Variants in COLQ observed in about 807,000 individuals in gnomAD.
COLQ encodes the protein collagen like tail subunit of asymmetric acetylcholinesterase, also known as acetylcholinesterase collagenic tail peptide.
A neutral mutation model predicts 69.0 loss-of-function variants in COLQ; 48 were observed. That is an observed-to-expected ratio of 0.70 (90% CI 0.55 to 0.88). The LOEUF (loss-of-function observed/expected upper bound fraction) is 0.88, where lower values mean the gene tolerates loss of function less well. Among genes scored for constraint, COLQ ranks in the 40% least tolerant of loss-of-function variants. COLQ has a pLI of 0.00. For missense variants in COLQ, 618 were observed against 594.6 expected, an observed-to-expected ratio of 1.04 and a Z score of -0.41; for synonymous variants, 217 against 211.2, an observed-to-expected ratio of 1.03 and a Z score of -0.24.
chr3:15,482,523 C>T (rs2062505565), intron 3 of COLQ, among the ~76,000 whole-genome samples: 1 of 152,156 alleles, frequency 6.6e-6, no homozygotes, highest in Admixed American at 6.5e-5. Flanking sequence ...TATTGATTTG[C>T]ATATGTCGAA....
In COLQ at chr3:15,480,843, G is replaced by A. The variant is rs575356351; in HGVS notation, c.322-1461C>T. Among the ~76,000 whole-genome samples, 3 of 152,304 alleles carry A rather than the reference G, an allele frequency of 2.0e-5. No homozygotes were observed. The East Asian group carries it at 5.8e-4, about 29-fold the overall frequency. ...TTTCTCCACATCCTCTCCAGCACCT[G>A]TTGTTTCCTGACTTTTTAATGATCG... On this transcript the variant is annotated intron_variant, in intron 3 of 16. Transcript: ENST00000383788.
In COLQ at chr3:15,471,969, ATT is replaced by A. The variant is rs370644681; in HGVS notation, c.637-1355_637-1354del. ...GGGAGAAAACAGCAGCACAAGCAGCATTTTTTTTTTTTTTTCAGGGATTGTCA... is the reference window on the plus strand; with the variant it reads ...GGGAGAAAACAGCAGCACAAGCAGCATTTTTTTTTTTTTCAGGGATTGTCA... On this transcript the variant is annotated intron_variant, in intron 10 of 16. Coordinates refer to ENST00000383788, the MANE Select transcript of COLQ (RefSeq NM_005677.4). Among the ~76,000 whole-genome samples, 80 of 137,078 alleles carry A rather than the reference ATT, an allele frequency of 5.8e-4. 2 individuals carry two copies. In the East Asian group the frequency reaches 0.01, roughly 17 times the overall value. 89.9% of individuals were successfully genotyped at this position (137,078 alleles called of 152,430 possible).
chr3:15,515,605 C>G (rs563837050), intron 1 of COLQ, among the ~76,000 whole-genome samples: 1 of 152,044 alleles, frequency 6.6e-6, no homozygotes, highest in Admixed American at 6.5e-5. Context: ...GTCAGGAGTT[C>G]GAGACCAGCC....
chr3:15,489,747 T>C lies in COLQ; in HGVS notation c.107-110A>G, dbSNP rs549679225. On this transcript the variant is annotated intron_variant, in intron 1 of 16. Transcript: ENST00000383788. ...TGCCACCCCAGACTTCCACATCTAATTTCTAGCCTGTTAGATGTGGATAGG... is the reference window on the plus strand; with the variant it reads ...TGCCACCCCAGACTTCCACATCTAACTTCTAGCCTGTTAGATGTGGATAGG... The C allele has an allele frequency of 1.5e-5, 14 of 905,650 alleles. No homozygotes were observed. The Admixed American group carries it at 2.8e-4, about 18-fold the overall frequency. 56.1% of individuals were successfully genotyped at this position (905,650 alleles called of 1,614,324 possible).
At chr3:15,463,354 T>C (rs1057386785) in intron 12 of COLQ, among the ~76,000 whole-genome samples, 3 of 151,572 alleles carry the variant, frequency 2.0e-5, no homozygotes, top group African/African-American at 7.3e-5. Context: ...TTTTTGTTTT[T>C]TGTTTTTTTT....
At chr3:15,470,695 T>G in intron 10 of COLQ, 79 bp from the exon 11 acceptor site, 4 of 1,319,606 alleles carry the variant, frequency 3.0e-6, no homozygotes, top group Non-Finnish European at 4.4e-6. Context: ...AGCCAGTCAT[T>G]GGCTACGAGG....
chr3:15,509,148 C>T (rs1332099781), intron 1 of COLQ, among the ~76,000 whole-genome samples: 2 of 152,208 alleles, frequency 1.3e-5, no homozygotes, highest in Non-Finnish European at 2.9e-5. Flanking sequence ...TATGTCAAAT[C>T]AGCCACTATT....
rs980599092 is a variant in COLQ, at chr3:15,510,434, C to T, written c.106+11086G>A. ...ATTAAGAAATTAAACCGTGGCTGAG[C>T]ATAGTGGCTCATGCCTATAATCCCA... On this transcript the variant is annotated intron_variant, in intron 1 of 16. Coordinates refer to ENST00000383788, the MANE Select transcript of COLQ (RefSeq NM_005677.4). Among the ~76,000 whole-genome samples, 47 of 151,934 alleles carry T rather than the reference C, an allele frequency of 3.1e-4. 2 individuals carry two copies. The highest frequency in any genetic ancestry group is 1.3e-4 in the Non-Finnish European group (9 of 68,008).
At chr3:15,498,802 C>G (rs909275857) in intron 1 of COLQ, 10 of 1,479,774 alleles carry the variant, frequency 6.8e-6, no homozygotes, top group Non-Finnish European at 9.0e-6. Context: ...CAGCCCTGCT[C>G]CAGCTGCCCA....
At chr3:15,468,321 GTTTTTTTTTTT>G (rs540716062) in intron 11 of COLQ, among the ~76,000 whole-genome samples, 12 of 71,258 alleles carry the variant, frequency 1.7e-4, no homozygotes, top group Non-Finnish European at 2.3e-4. Flanking sequence ...AGTTACTGAA[GTTTTTTTTTTT>G]TTTTTTTTTT....
At chr3:15,510,812 G>C (rs2062975683) in intron 1 of COLQ, among the ~76,000 whole-genome samples, 1 of 143,396 alleles carries the variant, frequency 7.0e-6, no homozygotes, top group Admixed American at 7.0e-5. Flanking sequence ...AAGAGACCAA[G>C]AGAGAGGAAG....
intron 4 of COLQ, 101 bp from the exon 5 acceptor site, chr3:15,479,104 C>T (rs1575477063): frequency 1.4e-6 from 2 of 1,462,176 alleles, no homozygotes; most frequent in Non-Finnish European, 1.9e-6. Flanking sequence ...CCATGTGGCT[C>T]AGTTGCTTGG....
At position 15,473,682 on chromosome 3, in the gene COLQ, G is replaced by C. The variant is rs777181590; in HGVS notation, c.636+318C>G. Among the ~76,000 whole-genome samples the C allele has an allele frequency of 2.0e-5, 3 of 152,120 alleles. No individual in the cohort carries two copies. Among genetic ancestry groups the C allele is most frequent in the Admixed American group, 1.3e-4 (2 of 15,270 alleles). On this transcript the variant is annotated intron_variant, in intron 10 of 16. Transcript: ENST00000383788. The surrounding 1 kb of genome is among the most constrained non-coding windows in gnomAD (Gnocchi z 4.0). Reference sequence around the variant, plus strand: ...CAGATCTGAGTCCCCTGTGAGAAAGGTTTCTGCATTTGAATAGGACCACAG... The same window carrying C: ...CAGATCTGAGTCCCCTGTGAGAAAGCTTTCTGCATTTGAATAGGACCACAG...
Position 15,521,589 on chromosome 3 carries a change from G to T in COLQ, c.37C>A (p.Leu13Ile). 1.2e-6 allele frequency: 2 copies of T among 1,614,222 alleles called. No homozygotes were observed. Among genetic ancestry groups the T allele is most frequent in the South Asian group, 1.1e-5 (1 of 91,086 alleles). Reference sequence around the variant, plus strand: ...ACGATAGAGAGGAAGAAAAGCTGAAGATAAATTCCCAAAGTCATTGGATTC... The same window carrying T: ...ACGATAGAGAGGAAGAAAAGCTGAATATAAATTCCCAAAGTCATTGGATTC... Reference protein sequence around the residue: ...VLNPMTLGIYLQLFFLSIVSQ... With the variant: ...VLNPMTLGIYIQLFFLSIVSQ... Residue 13 changes from leucine (L) to isoleucine (I), a missense_variant, in exon 1 of 17, where the codon CTT becomes ATT. Physicochemically the swap from Leu to Ile is conservative, Grantham distance 5 (BLOSUM62 2). Transcript: ENST00000383788.
intron 11 of COLQ, among the ~76,000 whole-genome samples, chr3:15,469,661 TA>T (rs199668253): frequency 2.0e-5 from 3 of 151,242 alleles, no homozygotes; most frequent in East Asian, 1.9e-4. Context: ...ATATGGAGCT[TA>T]AAAAAAAATA....
intron 2 of COLQ, among the ~76,000 whole-genome samples, chr3:15,488,828 C>T (rs561940911): frequency 8.5e-5 from 13 of 152,300 alleles, no homozygotes; most frequent in Admixed American, 3.3e-4. Context: ...CTACTTCTTT[C>T]GAAATCCAGT....
intron 4 of COLQ, 58 bp from the exon 5 acceptor site, chr3:15,479,061 A>G: frequency 1.2e-6 from 2 of 1,605,644 alleles, no homozygotes; most frequent in Non-Finnish European, 8.5e-7. Flanking sequence ...TTCTGGAAGC[A>G]GAAGCCTTAG....
chr3:15,509,635 ACCCAGG>A (rs1413712495), intron 1 of COLQ, among the ~76,000 whole-genome samples: 8 of 152,282 alleles, frequency 5.3e-5, no homozygotes, highest in Non-Finnish European at 1.2e-4. Context: ...ACATATTCTG[ACCCAGG>A]CCCAGGGCTG....
chr3:15,505,575 AGGG>A (rs2062899497), intron 1 of COLQ, among the ~76,000 whole-genome samples: 1 of 152,252 alleles, frequency 6.6e-6, no homozygotes, highest in Non-Finnish European at 1.5e-5. Context: ...TTAGGAGCCA[AGGG>A]AACATAAAGA....
Sources: gnomAD v4.1 joint callset for allele counts (sites outside exome capture counted in the v4.1 genomes callset) on GRCh38, gnomAD v4.1.1 for gene constraint, Gnocchi (gnomAD v3.1) non-coding constraint, MANE v1.5 for transcripts, NCBI Gene and HGNC (gene_info 2026-07-23, HGNC 2026-07-21) for gene names.